CNTNAP3: variants seen among roughly 807,000 people sequenced by gnomAD.
CNTNAP3 encodes contactin-associated protein-like 3.
A neutral mutation model predicts 92.1 loss-of-function variants in CNTNAP3; 36 were observed. That is an observed-to-expected ratio of 0.39 (90% CI 0.30 to 0.52). The LOEUF is 0.52. CNTNAP3 is among the 20% of genes least tolerant of loss of function. CNTNAP3 has a pLI of 0.76. For synonymous variants in CNTNAP3, 232 were observed against 422.3 expected (o/e 0.55, Z 5.53); for missense variants, 534 against 1,069.6 (o/e 0.50, Z 6.98).
intron 20 of CNTNAP3, 125 bp downstream of exon 20, chr9:39,086,591 T>C: frequency 7.9e-7 from 1 of 1,273,312 alleles, no homozygotes; most frequent in African/African-American, 1.5e-5. Context: ...GGCTTCTTCT[T>C]GACTTATGGA....
At position 39,131,589 on chromosome 9, in the gene CNTNAP3, G is replaced by A. The variant is rs1331933492; in HGVS notation, c.2080+1343C>T. On this transcript the variant is annotated intron_variant, in intron 13 of 23. Transcript: ENST00000297668. ...GCCTGTAATCCCAACACTTTGGGAG[G>A]CTGAGGCGGGCGGATCACCTGAGGT... is the stretch of plus-strand genomic sequence containing the variant. Among the ~76,000 whole-genome samples, 10 of 152,076 alleles carry A rather than the reference G, an allele frequency of 6.6e-5. No homozygotes were observed. In the South Asian group the frequency reaches 1.2e-3, roughly 19 times the overall value.
At chr9:39,088,780 T>C in intron 18 of CNTNAP3, 133 bp from the exon 19 acceptor site, 1 of 948,952 alleles carries the variant, frequency 1.1e-6, no homozygotes. Flanking sequence ...CCTTTCCTGT[T>C]TTTTTATTTT....
At position 39,068,186 on chromosome 9, in the gene CNTNAP3, T is replaced by C. The variant is rs1163543814; in HGVS notation, c.*5704A>G. On this transcript the variant is annotated 3_prime_UTR_variant, in exon 24 of 24. Transcript: ENST00000297668. ...AGGCTGAGGTGGGCAGATCATGAGATCCAGAGATCGAGACCATCCTGGCTA... is the reference window on the plus strand; with the variant it reads ...AGGCTGAGGTGGGCAGATCATGAGACCCAGAGATCGAGACCATCCTGGCTA... Among the ~76,000 whole-genome samples, 4,206 of 128,698 alleles carry C rather than the reference T, an allele frequency of 0.033. No homozygotes were observed. Among genetic ancestry groups the C allele is most frequent in the Middle Eastern group, 0.1 (24 of 236 alleles). The allele number at this position is 128,698 out of a possible 152,430, so 84.4% of individuals were successfully genotyped here.
At chr9:39,170,591 T>C (rs868708428) in intron 8 of CNTNAP3, among the ~76,000 whole-genome samples, 1 of 19,882 alleles carries the variant, frequency 5.0e-5, no homozygotes, top group Non-Finnish European at 7.0e-5. Flanking sequence ...TTCCCATCTA[T>C]TGTAACTCAG....
Position 39,100,091 on chromosome 9 carries a change from C to T in CNTNAP3, c.2815G>A (p.Gly939Arg), listed in dbSNP as rs1587706471. Residue 939 changes from glycine (G) to arginine (R), a missense_variant, in exon 18 of 24, where the codon GGG (glycine) becomes AGG (arginine). Gly to Arg is a moderately radical substitution (Grantham distance 125). Coordinates refer to ENST00000297668, the MANE Select transcript of CNTNAP3 (RefSeq NM_033655.5). Reference sequence around the variant, plus strand: ...CTTTCTTCCAGATCCAGGGCCACCCCGTTCAACTGCAGAGACCGAATGCAT... The same window carrying T: ...CTTTCTTCCAGATCCAGGGCCACCCTGTTCAACTGCAGAGACCGAATGCAT... Reference protein sequence around the residue: ...LGCIRSLQLNGVALDLEERAT... With the variant: ...LGCIRSLQLNRVALDLEERAT... 3.2e-6 allele frequency: 5 copies of T among 1,582,868 alleles called. No individual in the cohort carries two copies. In the East Asian group the frequency reaches 1.1e-4, roughly 36 times the overall value.
chr9:39,084,368 G>T (rs1423087523), intron 21 of CNTNAP3, among the ~76,000 whole-genome samples: 15 of 151,484 alleles, frequency 9.9e-5, no homozygotes, highest in Admixed American at 8.6e-4. Flanking sequence ...AATTTTTTTT[G>T]TATTTTTAGT....
At chr9:39,142,778 C>G (rs1476183927) in intron 11 of CNTNAP3, among the ~76,000 whole-genome samples, 1 of 152,092 alleles carries the variant, frequency 6.6e-6, no homozygotes, top group Non-Finnish European at 1.5e-5. Context: ...CCTGGACTGT[C>G]TCCTCTTTTG....
chr9:39,104,995 G>C (rs1826564136), intron 15 of CNTNAP3, among the ~76,000 whole-genome samples: 1 of 152,126 alleles, frequency 6.6e-6, no homozygotes, highest in African/African-American at 2.4e-5. Context: ...ACTTTACCCA[G>C]TTAAAAATTT....
chr9:39,084,729 G>C (rs1564068675), intron 21 of CNTNAP3, among the ~76,000 whole-genome samples: 1 of 152,100 alleles, frequency 6.6e-6, no homozygotes, highest in Non-Finnish European at 1.5e-5. Context: ...TGATGTGAGA[G>C]TGGCAAAAAA....
intron 10 of CNTNAP3, among the ~76,000 whole-genome samples, chr9:39,147,269 T>C (rs1231679218): frequency 6.6e-6 from 1 of 150,900 alleles, no homozygotes; most frequent in Admixed American, 6.6e-5. Flanking sequence ...ATTAGATTTT[T>C]GTTTGTTTGT....
chr9:39,121,579 C>T (rs1394782084), intron 13 of CNTNAP3, among the ~76,000 whole-genome samples: 2 of 152,132 alleles, frequency 1.3e-5, no homozygotes, highest in African/African-American at 2.4e-5. Flanking sequence ...GCTAATGGAG[C>T]CAAAGCAGAT....
Position 39,069,448 on chromosome 9 carries a change from A to G in CNTNAP3, c.*4442T>C, listed in dbSNP as rs1825589573. ...AAGTTAGAAATTTTCATATCGCAAAATCTAAAAGTTCATCTTATGATTTTA... is the reference window on the plus strand; with the variant it reads ...AAGTTAGAAATTTTCATATCGCAAAGTCTAAAAGTTCATCTTATGATTTTA... On this transcript the variant is annotated 3_prime_UTR_variant, in exon 24 of 24. Coordinates refer to ENST00000297668, the MANE Select transcript of CNTNAP3 (RefSeq NM_033655.5). Among the ~76,000 whole-genome samples the G allele has an allele frequency of 6.6e-6, 1 of 152,312 alleles. No individual in the cohort carries two copies. The highest frequency in any genetic ancestry group is 2.4e-5 in the African/African-American group (1 of 41,488).
At position 39,131,850 on chromosome 9, in the gene CNTNAP3, C is replaced by G. The variant is rs540985695; in HGVS notation, c.2080+1082G>C. On this transcript the variant is annotated intron_variant, in intron 13 of 23. Coordinates refer to ENST00000297668, the MANE Select transcript of CNTNAP3 (RefSeq NM_033655.5). The stretch of plus-strand genomic sequence containing the variant: ...GGCAGAGGAAATGGTCTGGCATATT[C>G]CAGGGGCTGATTGGCCAGACAGATT... 8.0e-3 allele frequency among the ~76,000 whole-genome samples: 1,186 copies of G among 149,120 alleles called. 17 individuals are homozygous for G. The highest frequency in any genetic ancestry group is 0.028 in the African/African-American group (1,093 of 39,242).
chr9:39,217,362 A>G (rs1329987806), intron 3 of CNTNAP3, among the ~76,000 whole-genome samples: 1 of 11,608 alleles, frequency 8.6e-5, no homozygotes, highest in South Asian at 2.8e-3. Context: ...ACATGAGTAT[A>G]TATATATATA....
intron 13 of CNTNAP3, among the ~76,000 whole-genome samples, chr9:39,123,460 AAG>A (rs1051334613): frequency 3.0e-4 from 46 of 152,148 alleles, no homozygotes; most frequent in African/African-American, 8.4e-4. Context: ...AAGTAGAAGG[AAG>A]AGAGTGAGAA....
Position 39,109,152 on chromosome 9 carries a change from C to T in CNTNAP3, c.2365+8G>A, listed in dbSNP as rs1826680832. On this transcript the variant is annotated splice_region_variant and intron_variant, in intron 15 of 23. Coordinates refer to ENST00000297668, the MANE Select transcript of CNTNAP3 (RefSeq NM_033655.5). Reference sequence around the variant, plus strand: ...ATGAAAATAAAGCTTTTTCTTGACACTACTTACGATCTCCGCGGCAGAGCA... The same window carrying T: ...ATGAAAATAAAGCTTTTTCTTGACATTACTTACGATCTCCGCGGCAGAGCA... 4 of 1,607,072 alleles carry T rather than the reference C, an allele frequency of 2.5e-6. No homozygotes were observed. The highest frequency in any genetic ancestry group is 2.7e-5 in the African/African-American group (2 of 74,566).
rs1449976527 is a variant in CNTNAP3 at position 39,256,537 on chromosome 9, G to A, written c.196+10359C>T. 1.2e-4 allele frequency among the ~76,000 whole-genome samples: 2 copies of A among 16,538 alleles called. 1 individual carries two copies. Among genetic ancestry groups the A allele is most frequent in the Non-Finnish European group, 2.8e-4 (2 of 7,074 alleles). The allele number at this position is 16,538 out of a possible 152,430, so 10.8% of individuals were successfully genotyped here. A position where few individuals can be genotyped will look rare whatever the true frequency, so the allele number is the denominator to read the frequency against. On this transcript the variant is annotated intron_variant, in intron 2 of 23. Coordinates refer to ENST00000297668, the MANE Select transcript of CNTNAP3 (RefSeq NM_033655.5). Reference sequence around the variant, plus strand: ...GGGCTGGGTATGGTGGCTCAGGCCCGTAATCCCAACATTTTGGGATGCTGA... The same window carrying A: ...GGGCTGGGTATGGTGGCTCAGGCCCATAATCCCAACATTTTGGGATGCTGA...
In CNTNAP3 at chr9:39,123,076, A is replaced by C. The variant is rs1276397521; in HGVS notation, c.2081-4817T>G. ...AATGAAAAATGAAACATAATATCCA[A>C]ACTGTTGGACAATAATTTTTTTTTT... On this transcript the variant is annotated intron_variant, in intron 13 of 23. Coordinates refer to ENST00000297668, the MANE Select transcript of CNTNAP3 (RefSeq NM_033655.5). Among the ~76,000 whole-genome samples the C allele has an allele frequency of 3.3e-5, 5 of 151,682 alleles. No homozygotes were observed. In the East Asian group the frequency reaches 7.7e-4, roughly 23 times the overall value.
chr9:39,075,718 A>C (rs1825744434), intron 23 of CNTNAP3, among the ~76,000 whole-genome samples: 2 of 152,288 alleles, frequency 1.3e-5, no homozygotes, highest in Admixed American at 6.5e-5. Context: ...CGGACACCTA[A>C]AATTGCTTTC....
Sources: gnomAD v4.1 joint callset for allele counts (sites outside exome capture counted in the v4.1 genomes callset) on GRCh38, gnomAD v4.1.1 for gene constraint, MANE v1.5 for transcripts, NCBI Gene and HGNC (gene_info 2026-07-23, HGNC 2026-07-21) for gene names.